ADGRG4: variants seen among roughly 807,000 people sequenced by gnomAD.
The protein encoded by ADGRG4 is adhesion G protein-coupled receptor G4.
A neutral mutation model predicts 126.2 loss-of-function variants in ADGRG4; 122 were observed. That is an observed-to-expected ratio of 0.97 (90% CI 0.83 to 1.12). The LOEUF is 1.12. Ranked by LOEUF, ADGRG4 falls within the 50% of genes most tolerant of loss-of-function variation. ADGRG4 has a pLI of 0.00. For missense variants in ADGRG4, 2,481 were observed against 2,251.8 expected (o/e 1.10, Z -2.06); for synonymous variants, 943 against 838.7 (o/e 1.12, Z -2.15).
At chrX:136,326,985 A>C (rs2074877360) in intron 5 of ADGRG4, among the ~76,000 whole-genome samples, 1 of 111,118 alleles carries the variant, frequency 9.0e-6, no homozygotes, top group South Asian at 3.7e-4. Flanking sequence ...TATTCACTAT[A>C]GTTGGAAATG....
At chrX:136,386,427 C>T (rs781477742) in intron 15 of ADGRG4, among the ~76,000 whole-genome samples, 5 of 112,100 alleles carry the variant, frequency 4.5e-5, no homozygotes, top group Non-Finnish European at 9.4e-5. Context: ...GAGTTCATTT[C>T]TGCTTAGCAA....
chrX:136,391,129 TGTAGGGTAGGTA>T (rs2075317442), intron 16 of ADGRG4, among the ~76,000 whole-genome samples: 1 of 111,274 alleles, frequency 9.0e-6, no homozygotes, highest in African/African-American at 3.3e-5. Flanking sequence ...GGCTCAGGTG[TGTAGGGTAGGTA>T]GTAGGGACTG....
At position 136,306,927 on chromosome X, in the gene ADGRG4, T is replaced by C. The variant is rs58211248; in HGVS notation, c.-9-1842T>C. On this transcript the variant is annotated intron_variant, in intron 3 of 25. Transcript: ENST00000394143. ...CAGGGTTTCACCATGTTGCCTAGGC[T>C]GGTTTCGAGCTCCTGGCCTCAAGTG... Among the ~76,000 whole-genome samples, 69 of 110,935 alleles carry C rather than the reference T, an allele frequency of 6.2e-4. No homozygotes were observed. The East Asian group carries it at 0.02, about 31-fold the overall frequency.
intron 23 of ADGRG4, among the ~76,000 whole-genome samples, chrX:136,411,645 C>A (rs934547785): frequency 2.7e-5 from 3 of 112,791 alleles, no homozygotes; most frequent in Admixed American, 9.3e-5. Flanking sequence ...AATTCAGGGG[C>A]AGCTTAGCTG....
At chrX:136,386,915 C>T (rs923050901) in intron 15 of ADGRG4, among the ~76,000 whole-genome samples, 22 of 112,292 alleles carry the variant, frequency 2.0e-4, no homozygotes, top group African/African-American at 7.1e-4. Context: ...TGGATAATTT[C>T]TGATGAACAG....
At chrX:136,414,470 T>G in intron 25 of ADGRG4, 143 bp downstream of exon 25, 1 of 488,969 alleles carries the variant, frequency 2.0e-6, no homozygotes, top group Admixed American at 3.6e-5. Flanking sequence ...CATTCTTGGC[T>G]GAGAAAGTGT....
In ADGRG4 at chrX:136,346,355, T is replaced by G; in HGVS notation, c.2649T>G (p.Thr883=). The G allele has an allele frequency of 8.3e-7, 1 of 1,209,903 alleles. No individual in the cohort carries two copies. The highest frequency in any genetic ancestry group is 1.1e-6 in the Non-Finnish European group (1 of 894,303). ...ESAQRVTASV[T]VSSFPDIEKL... ...CACAAAGGGTGACAGCTTCTGTCAC[T>G]GTTTCCTCTTTTCCTGATATAGAAA... The change falls in exon 6 of 26, where the codon ACT becomes ACG. Residue 883 remains threonine (T), a synonymous_variant. Coordinates refer to ENST00000394143, the MANE Select transcript of ADGRG4 (RefSeq NM_153834.4).
chrX:136,305,078 T>A (rs930860185), intron 3 of ADGRG4, 55 bp downstream of exon 3: 1 of 112,016 alleles, frequency 8.9e-6, no homozygotes, highest in East Asian at 2.8e-4. Flanking sequence ...TCCAGAGAAG[T>A]TAGGGAACTA....
intron 12 of ADGRG4, among the ~76,000 whole-genome samples, chrX:136,362,423 A>G (rs780232745): frequency 9.0e-6 from 1 of 111,314 alleles, no homozygotes; most frequent in South Asian, 3.8e-4. Context: ...ACTTAACAGT[A>G]TCCCTTACCC....
At position 136,323,220 on chromosome X, in the gene ADGRG4, T is replaced by C. The variant is rs370667880; in HGVS notation, c.513T>C (p.Val171=). 5.0e-6 allele frequency: 6 copies of C among 1,209,792 alleles called. No individual in the cohort carries two copies. The highest frequency in any genetic ancestry group is 6.7e-6 in the Non-Finnish European group (6 of 895,172). Residue 171 remains valine (V), a synonymous_variant, in exon 5 of 26, where the codon GTT becomes GTC. Coordinates refer to ENST00000394143, the MANE Select transcript of ADGRG4 (RefSeq NM_153834.4). ...GHFLKNESSE[V]KSMMRSFPGS... is the part of the protein sequence containing the mutation. ...TTCTCAAGAATGAGAGCAGCGAGGT[T>C]AAAAGCATGATGCGTAGCTTTCCTG... is the stretch of plus-strand genomic sequence containing the variant.
chrX:136,379,778 A>C (rs185739624), intron 15 of ADGRG4, among the ~76,000 whole-genome samples: 1 of 110,415 alleles, frequency 9.1e-6, no homozygotes, highest in African/African-American at 3.3e-5. Flanking sequence ...ACAAGTCCCC[A>C]TTCGTCCCTT....
At chrX:136,398,127 A>T in intron 20 of ADGRG4, 125 bp downstream of exon 20, 1 of 563,682 alleles carries the variant, frequency 1.8e-6, no homozygotes, top group Non-Finnish European at 2.7e-6. Flanking sequence ...TAGCTTATGA[A>T]GTGGACAGGT....
chrX:136,358,065 G>A (rs961259217), intron 10 of ADGRG4, among the ~76,000 whole-genome samples: 5 of 111,540 alleles, frequency 4.5e-5, no homozygotes, highest in African/African-American at 9.8e-5. Context: ...CACTTGGCAG[G>A]GAAATTGGAA....
Position 136,398,011 on chromosome X carries a change from A to G in ADGRG4, c.8306+9A>G. On this transcript the variant is annotated intron_variant, in intron 20 of 25. Transcript: ENST00000394143. Reference sequence around the variant, plus strand: ...ACATACATAGCTTTTCAGTAAGTTGATACAGCCTTGCTCTGAGCACATTTA... The same window carrying G: ...ACATACATAGCTTTTCAGTAAGTTGGTACAGCCTTGCTCTGAGCACATTTA... 3 of 1,205,736 alleles carry G rather than the reference A, an allele frequency of 2.5e-6. No individual in the cohort carries two copies. Among genetic ancestry groups the G allele is most frequent in the Non-Finnish European group, 3.4e-6 (3 of 890,529 alleles).
chrX:136,393,224 T>C (rs887827265), intron 17 of ADGRG4, among the ~76,000 whole-genome samples: 1 of 112,028 alleles, frequency 8.9e-6, no homozygotes, highest in African/African-American at 3.2e-5. Context: ...CAGCCCTGCA[T>C]TGACTATCCA....
intron 11 of ADGRG4, among the ~76,000 whole-genome samples, chrX:136,360,551 T>C (rs895016782): frequency 2.7e-5 from 3 of 110,906 alleles, no homozygotes; most frequent in Admixed American, 9.6e-5. Flanking sequence ...GAGACCAGCC[T>C]GGGCAACAAA....
chrX:136,341,382 A>G (rs1046831134), intron 5 of ADGRG4, among the ~76,000 whole-genome samples: 1 of 112,447 alleles, frequency 8.9e-6, no homozygotes, highest in Non-Finnish European at 1.9e-5. Context: ...CTCTTCTCTC[A>G]ACAATTAGTG....
intron 13 of ADGRG4, among the ~76,000 whole-genome samples, chrX:136,366,322 T>G (rs1309915223): frequency 8.9e-6 from 1 of 112,317 alleles, no homozygotes; most frequent in Non-Finnish European, 1.9e-5. Context: ...TTTCACTTAG[T>G]TATGTGCATT....
chrX:136,345,784 C>T lies in ADGRG4; in HGVS notation c.2078C>T (p.Thr693Ile), dbSNP rs2075012061. The change falls in exon 6 of 26, where the codon ACA (threonine) becomes ATA (isoleucine). Residue 693 changes from threonine to isoleucine, a missense_variant. Coordinates refer to ENST00000394143, the MANE Select transcript of ADGRG4 (RefSeq NM_153834.4). ...TSAFHENTTY[T>I]EYLSATTNIT... ...GCATTTCATGAGAATACTACTTATACAGAATATTTATCCGCAACTACCAAT... is the reference window on the plus strand; with the variant it reads ...GCATTTCATGAGAATACTACTTATATAGAATATTTATCCGCAACTACCAAT... 1 of 1,209,867 alleles carries T rather than the reference C, an allele frequency of 8.3e-7. No homozygotes were observed. Among genetic ancestry groups the T allele is most frequent in the Non-Finnish European group, 1.1e-6 (1 of 893,953 alleles).
Sources: gnomAD v4.1 joint callset for allele counts (sites outside exome capture counted in the v4.1 genomes callset) on GRCh38, gnomAD v4.1.1 for gene constraint, MANE v1.5 for transcripts, NCBI Gene and HGNC (gene_info 2026-07-23, HGNC 2026-07-21) for gene names.